Variants in KCNB2 observed in about 807,000 individuals in gnomAD.
The protein encoded by KCNB2 is delayed rectifier potassium channel protein.
KCNB2 carries 15 observed loss-of-function variants against 61.5 expected under a neutral mutation model. That is an observed-to-expected ratio of 0.24 (90% CI 0.16 to 0.38). KCNB2 has a LOEUF of 0.38. Among genes scored for constraint, KCNB2 ranks in the 10% least tolerant of loss-of-function variants. KCNB2 has a pLI of 1.00. For missense variants in KCNB2, 828 were observed against 1,125.2 expected (o/e 0.74, Z 3.78); for synonymous variants, 457 against 446.0 (o/e 1.02, Z -0.31).
chr8:72,683,390 A>G (rs1182962174), intron 2 of KCNB2, among the ~76,000 whole-genome samples: 2 of 152,246 alleles, frequency 1.3e-5, no homozygotes, highest in South Asian at 2.1e-4. Context: ...GAAAACAATA[A>G]AATCCATTTT....
chr8:72,567,911 G>A lies in KCNB2; in HGVS notation c.177G>A (p.Thr59=), dbSNP rs566076958. Residue 59 remains threonine (T), a synonymous_variant, in exon 2 of 3, where the codon ACG becomes ACA. Coordinates refer to ENST00000523207, the MANE Select transcript of KCNB2 (RefSeq NM_004770.3). The part of the protein sequence containing the change: ...LWRTLDRLPR[T]RLGKLRDCNT... ...GAACGCTGGACAGGCTGCCCAGGAC[G>A]CGCCTGGGGAAGCTTCGAGACTGCA... The A allele has an allele frequency of 1.2e-6, 2 of 1,613,888 alleles. No individual in the cohort carries two copies. The highest frequency in any genetic ancestry group is 1.7e-6 in the Non-Finnish European group (2 of 1,179,948).
At chr8:72,601,704 C>T (rs934797610) in intron 2 of KCNB2, among the ~76,000 whole-genome samples, 2 of 152,118 alleles carry the variant, frequency 1.3e-5, no homozygotes, top group African/African-American at 4.8e-5. Flanking sequence ...TGGAAATACA[C>T]CTATTATCCT....
chr8:72,733,534 C>G (rs926951957), intron 2 of KCNB2, among the ~76,000 whole-genome samples: 2 of 152,148 alleles, frequency 1.3e-5, no homozygotes, highest in Non-Finnish European at 2.9e-5. Flanking sequence ...TCTGAGTCAT[C>G]ATTTCCTCAT....
chr8:72,591,539 A>G (rs926524184), intron 2 of KCNB2, among the ~76,000 whole-genome samples: 11 of 152,204 alleles, frequency 7.2e-5, no homozygotes, highest in African/African-American at 2.7e-4. Context: ...ATAGAATTTC[A>G]TGATGTGTTT....
intron 2 of KCNB2, among the ~76,000 whole-genome samples, chr8:72,724,554 T>A (rs1156823959): frequency 6.6e-6 from 1 of 152,164 alleles, no homozygotes; most frequent in African/African-American, 2.4e-5. Flanking sequence ...ATATGGAAAG[T>A]AGAATATGAA....
chr8:72,766,087 T>G (rs904971427), intron 2 of KCNB2, among the ~76,000 whole-genome samples: 42 of 152,346 alleles, frequency 2.8e-4, no homozygotes, highest in African/African-American at 1.0e-3. Context: ...CTCAGATCTA[T>G]GAATCTGAGG....
In KCNB2 at chr8:72,936,937, T is replaced by G; in HGVS notation, c.1582T>G (p.Ser528Ala). 1 of 1,614,044 alleles carries G rather than the reference T, an allele frequency of 6.2e-7. No homozygotes were observed. The highest frequency in any genetic ancestry group is 1.6e-4 in the Middle Eastern group (1 of 6,062). Residue 528 changes from serine (S) to alanine (A), a missense_variant, in exon 3 of 3, where the codon TCT (serine) becomes GCT (alanine). By Grantham distance (99) the Ser-to-Ala change is moderately conservative. This residue lies in a region of KCNB2 where 559 missense variants were observed against 588.4 expected (regional missense o/e 0.95). Coordinates refer to ENST00000523207, the MANE Select transcript of KCNB2 (RefSeq NM_004770.3). The surrounding 1 kb of genome is among the most constrained non-coding windows in gnomAD (Gnocchi z 5.6). ...CTCCCACGAGCAGCTGAACAACACG[T>G]CTTCCTCCAGCCCACAGCATCTGAG... ...KDSHEQLNNT[S>A]SSSPQHLSAQ...
chr8:72,729,609 C>T (rs181146084), intron 2 of KCNB2, among the ~76,000 whole-genome samples: 113 of 152,274 alleles, frequency 7.4e-4, no homozygotes, highest in African/African-American at 2.4e-3. Context: ...TCTTGCCGGG[C>T]GCGGTGGCTC....
intron 1 of KCNB2, among the ~76,000 whole-genome samples, chr8:72,545,088 A>G (rs1359188717): frequency 1.3e-5 from 2 of 152,164 alleles, no homozygotes; most frequent in African/African-American, 4.8e-5. Context: ...CTGGCTACAG[A>G]TAGGAAAACC....
chr8:72,610,836 T>C (rs1351167306), intron 2 of KCNB2, among the ~76,000 whole-genome samples: 1 of 152,094 alleles, frequency 6.6e-6, no homozygotes, highest in African/African-American at 2.4e-5. Flanking sequence ...TAAAAACATA[T>C]AAAAGCAAGA....
chr8:72,788,681 A>G (rs1585893974), intron 2 of KCNB2, among the ~76,000 whole-genome samples: 1 of 152,180 alleles, frequency 6.6e-6, no homozygotes, highest in East Asian at 1.9e-4. Flanking sequence ...TTCAGTCCAC[A>G]GTGATCCAAA....
intron 2 of KCNB2, among the ~76,000 whole-genome samples, chr8:72,714,786 A>G (rs558081746): frequency 1.3e-5 from 2 of 152,326 alleles, no homozygotes; most frequent in East Asian, 1.9e-4. Flanking sequence ...CATCATAATG[A>G]CAGGATCAAA....
intron 2 of KCNB2, among the ~76,000 whole-genome samples, chr8:72,644,949 T>C (rs1356334646): frequency 6.6e-6 from 1 of 152,026 alleles, no homozygotes; most frequent in Non-Finnish European, 1.5e-5. Context: ...ATTCCAGGAG[T>C]CTATGCTGAA....
intron 2 of KCNB2, among the ~76,000 whole-genome samples, chr8:72,658,188 G>A (rs1028769195): frequency 6.6e-6 from 1 of 152,160 alleles, no homozygotes; most frequent in African/African-American, 2.4e-5. Flanking sequence ...AGTCAGCCAA[G>A]TTGGTAATGC....
intron 1 of KCNB2, among the ~76,000 whole-genome samples, chr8:72,545,724 A>T (rs1806248668): frequency 6.6e-6 from 1 of 152,204 alleles, no homozygotes; most frequent in Admixed American, 6.5e-5. Flanking sequence ...GCTAGAAAGG[A>T]TTAAGCTTAG....
At chr8:72,932,101 C>T (rs545359395) in intron 2 of KCNB2, among the ~76,000 whole-genome samples, 9 of 152,090 alleles carry the variant, frequency 5.9e-5, no homozygotes, top group African/African-American at 9.7e-5. Flanking sequence ...TAAGTGTTCC[C>T]GGACCAAACC....
intron 2 of KCNB2, among the ~76,000 whole-genome samples, chr8:72,820,490 CAGAT>C (rs1427103018): frequency 6.6e-6 from 1 of 152,094 alleles, no homozygotes; most frequent in Non-Finnish European, 1.5e-5. Context: ...AACTGCAAAA[CAGAT>C]AGATAATTTG....
intron 2 of KCNB2, among the ~76,000 whole-genome samples, chr8:72,844,227 G>T (rs1809945043): frequency 1.3e-5 from 2 of 152,104 alleles, no homozygotes; most frequent in Non-Finnish European, 2.9e-5. Flanking sequence ...GAAATTCTGG[G>T]TTGAAAATTC....
intron 2 of KCNB2, among the ~76,000 whole-genome samples, chr8:72,587,448 C>T (rs1364091524): frequency 1.3e-5 from 2 of 152,164 alleles, no homozygotes; most frequent in Non-Finnish European, 1.5e-5. Context: ...GTAGGGCCAG[C>T]TGCAGTGGCT....
Sources: gnomAD v4.1 joint callset for allele counts (sites outside exome capture counted in the v4.1 genomes callset) on GRCh38, gnomAD v4.1.1 for gene constraint, gnomAD v4.1.1 regional missense constraint, Gnocchi (gnomAD v3.1) non-coding constraint, MANE v1.5 for transcripts, NCBI Gene and HGNC (gene_info 2026-07-23, HGNC 2026-07-21) for gene names.